RBFOX1: variants seen among roughly 807,000 people sequenced by gnomAD.
RBFOX1 encodes the protein RNA binding protein fox-1 homolog 1.
A neutral mutation model predicts 57.7 loss-of-function variants in RBFOX1; 8 were observed. The ratio of observed to expected loss-of-function variants is 0.14; its 90% CI spans 0.08 to 0.25. RBFOX1 has a LOEUF of 0.25. RBFOX1 is among the 10% of genes least tolerant of loss of function. RBFOX1 has a pLI of 1.00. For synonymous variants in RBFOX1, 326 were observed against 222.4 expected (o/e 1.47, Z -4.15); for missense variants, 611 against 548.5 (o/e 1.11, Z -1.14).
intron 2 of RBFOX1, among the ~76,000 whole-genome samples, chr16:5,521,281 A>G (rs1477702044): frequency 7.7e-6 from 1 of 130,236 alleles, no homozygotes; most frequent in East Asian, 2.6e-4. Flanking sequence ...TTCTCAAGGG[A>G]GGCCCCTCAA....
intron 1 of RBFOX1, among the ~76,000 whole-genome samples, chr16:5,426,918 C>G (rs2067577909): frequency 6.6e-6 from 1 of 152,192 alleles, no homozygotes; most frequent in African/African-American, 2.4e-5. Flanking sequence ...GCCCAGAGCC[C>G]TGTAGTCACC....
chr16:5,514,611 T>G (rs2043723551), intron 2 of RBFOX1, among the ~76,000 whole-genome samples: 1 of 152,100 alleles, frequency 6.6e-6, no homozygotes, highest in Non-Finnish European at 1.5e-5. Context: ...AGGCACTGTT[T>G]TAGGTGCTGA....
rs368233361 is a variant in RBFOX1 at position 7,035,211 on chromosome 16, C to G, written c.-15-16846C>G. On this transcript the variant is annotated intron_variant, in intron 3 of 15. Coordinates refer to ENST00000550418, the MANE Select transcript of RBFOX1 (RefSeq NM_018723.4). ...CCAACGCTGTTGGTCCTCAGTCTCA[C>G]TTTGAGTGTTAAGATCCTGCAGGAT... Among the ~76,000 whole-genome samples, 12 of 152,060 alleles carry G rather than the reference C, an allele frequency of 7.9e-5. No homozygotes were observed. In the East Asian group the frequency reaches 1.4e-3, roughly 17 times the overall value.
chr16:5,556,956 T>C (rs915981818), intron 2 of RBFOX1, among the ~76,000 whole-genome samples: 4 of 152,242 alleles, frequency 2.6e-5, no homozygotes, highest in African/African-American at 9.6e-5. Context: ...TCATGTTAAT[T>C]TGAACTTTTA....
intron 4 of RBFOX1, among the ~76,000 whole-genome samples, chr16:7,384,900 A>G (rs1301920256): frequency 1.3e-5 from 2 of 152,228 alleles, no homozygotes; most frequent in Admixed American, 6.5e-5. Flanking sequence ...GGTTAGTGAC[A>G]GGTGCAAGTC....
In RBFOX1 at chr16:6,335,286, G is replaced by A. The variant is rs373781765; in HGVS notation, c.-64+18229G>A. Among the ~76,000 whole-genome samples, 21 of 152,262 alleles carry A rather than the reference G, an allele frequency of 1.4e-4. No homozygotes were observed. The East Asian group carries it at 2.3e-3, about 17-fold the overall frequency. ...CTTTGAAGGTGGTGGTCTTATGTTTGAATGCGCGTCAGGCCCCAGGTGGTA... is the reference window on the plus strand; with the variant it reads ...CTTTGAAGGTGGTGGTCTTATGTTTAAATGCGCGTCAGGCCCCAGGTGGTA... On this transcript the variant is annotated intron_variant, in intron 2 of 15. Transcript: ENST00000550418.
chr16:7,697,774 A>C (rs1323878528), intron 14 of RBFOX1, among the ~76,000 whole-genome samples: 1 of 152,168 alleles, frequency 6.6e-6, no homozygotes, highest in South Asian at 2.1e-4. Flanking sequence ...TCCAGATGGA[A>C]TTCTACCTTC....
At chr16:7,568,287 C>T (rs976162139) in intron 5 of RBFOX1, among the ~76,000 whole-genome samples, 1 of 152,102 alleles carries the variant, frequency 6.6e-6, no homozygotes, top group African/African-American at 2.4e-5. Context: ...GTGGATTATT[C>T]ATGAGTTTTC....
chr16:7,681,573 G>A lies in RBFOX1; in HGVS notation c.995+4735G>A, dbSNP rs184765365. Among the ~76,000 whole-genome samples, 1,437 of 152,160 alleles carry A rather than the reference G, an allele frequency of 9.4e-3. 29 individuals carry two copies. Among genetic ancestry groups the A allele is most frequent in the African/African-American group, 0.033 (1,383 of 41,512 alleles). On this transcript the variant is annotated intron_variant, in intron 14 of 15. Coordinates refer to ENST00000550418, the MANE Select transcript of RBFOX1 (RefSeq NM_018723.4). ...ATTTTAATTGGAGTTCTTATCCGAT[G>A]ATATATACTAAAAATTAAGGAATTG...
At chr16:5,696,991 C>T (rs184127374) in intron 3 of RBFOX1, among the ~76,000 whole-genome samples, 5 of 152,236 alleles carry the variant, frequency 3.3e-5, no homozygotes, top group South Asian at 4.2e-4. Context: ...TGACTCACTG[C>T]GTCCTCTGCC....
intron 4 of RBFOX1, among the ~76,000 whole-genome samples, chr16:7,072,411 T>C: frequency 6.6e-6 from 1 of 152,346 alleles, no homozygotes; most frequent in Non-Finnish European, 1.5e-5. Context: ...CCTGTCTTCT[T>C]ACTCCCTTTA....
At chr16:6,009,437 A>G (rs1159732447) in intron 4 of RBFOX1, among the ~76,000 whole-genome samples, 2 of 152,192 alleles carry the variant, frequency 1.3e-5, no homozygotes, top group African/African-American at 4.8e-5. Context: ...TTCCTAATAC[A>G]TTACATCACT....
At chr16:5,468,721 A>G (rs530764621) in intron 2 of RBFOX1, among the ~76,000 whole-genome samples, 51 of 152,356 alleles carry the variant, frequency 3.3e-4, no homozygotes, top group African/African-American at 1.2e-3. Flanking sequence ...AAGGAAGCAG[A>G]AATCCATTCT....
intron 4 of RBFOX1, among the ~76,000 whole-genome samples, chr16:7,235,079 G>C (rs2093701546): frequency 1.3e-5 from 2 of 152,146 alleles, no homozygotes; most frequent in African/African-American, 4.8e-5. Flanking sequence ...TCAGTGGAAG[G>C]AAGAATGTAA....
At chr16:6,340,712 G>A (rs1198291990) in intron 2 of RBFOX1, among the ~76,000 whole-genome samples, 1 of 152,126 alleles carries the variant, frequency 6.6e-6, no homozygotes, top group Non-Finnish European at 1.5e-5. Context: ...TTATGAGCAA[G>A]GTCTTTATGA....
chr16:6,195,730 A>G (rs1421021438), intron 1 of RBFOX1, among the ~76,000 whole-genome samples: 1 of 151,956 alleles, frequency 6.6e-6, no homozygotes, highest in Non-Finnish European at 1.5e-5. Flanking sequence ...TAAAAAAGAA[A>G]AAAAAAAAAA....
chr16:6,664,301 C>T (rs923974739), intron 3 of RBFOX1, among the ~76,000 whole-genome samples: 1 of 152,166 alleles, frequency 6.6e-6, no homozygotes, highest in Admixed American at 6.5e-5. Flanking sequence ...ATTAGTAACC[C>T]TCATTCCTCT....
In RBFOX1 at chr16:5,243,044, C is replaced by T. The variant is rs145858648; in HGVS notation, c.219+2939C>T. 6.7e-3 allele frequency among the ~76,000 whole-genome samples: 1,016 copies of T among 151,836 alleles called. 8 individuals carry two copies. The highest frequency in any genetic ancestry group is 0.011 in the Non-Finnish European group (769 of 67,960). ...TTTCCTGCCAATATCAGAAGTTTCA[C>T]TGGCTTCTTGTGTATCCACAAACAC... On this transcript the variant is annotated intron_variant, in intron 1 of 2. Coordinates refer to the RBFOX1 transcript ENST00000585867.
chr16:7,430,168 T>A (rs17143673), intron 4 of RBFOX1, among the ~76,000 whole-genome samples: 3,352 of 152,302 alleles, frequency 0.022, 119 homozygotes, highest in African/African-American at 0.076. Context: ...TCTAGCACAT[T>A]TAAATATTTT....
Sources: gnomAD v4.1 joint callset for allele counts (sites outside exome capture counted in the v4.1 genomes callset) on GRCh38, gnomAD v4.1.1 for gene constraint, MANE v1.5 for transcripts, NCBI Gene and HGNC (gene_info 2026-07-23, HGNC 2026-07-21) for gene names.